The following RELCH variants were observed in gnomAD, a reference collection of about 807,000 sequenced individuals.
RELCH encodes the protein RAB11-binding protein RELCH.
Under a neutral mutation model 150.3 loss-of-function variants are expected in RELCH, and 41 were observed. That is an observed-to-expected ratio of 0.27 (90% CI 0.21 to 0.35). The LOEUF (loss-of-function observed/expected upper bound fraction) is 0.35. Among genes scored for constraint, RELCH ranks in the 10% least tolerant of loss-of-function variants. The pLI is 1.00. For synonymous variants in RELCH, 478 were observed against 531.8 expected (o/e 0.90, Z 1.39); for missense variants, 1,092 against 1,467.8 (o/e 0.74, Z 4.18).
chr18:62,278,177 T>C (rs1012453827), intron 22 of RELCH, among the ~76,000 whole-genome samples: 7 of 152,164 alleles, frequency 4.6e-5, no homozygotes, highest in Admixed American at 2.0e-4. Flanking sequence ...AAAAATTAAT[T>C]TGTCCTCTAC....
At chr18:62,292,317 C>T (rs1023872195) in intron 27 of RELCH, among the ~76,000 whole-genome samples, 6 of 152,240 alleles carry the variant, frequency 3.9e-5, no homozygotes, top group East Asian at 3.9e-4. Context: ...TATAGCTTCA[C>T]GTCTCTCTGC....
chr18:62,202,252 T>TGGGAAACA (rs2039503424), intron 1 of RELCH, among the ~76,000 whole-genome samples: 1 of 152,184 alleles, frequency 6.6e-6, no homozygotes, highest in Non-Finnish European at 1.5e-5. Context: ...TCTTGTATAT[T>TGGGAAACA]AGGACATTTG....
intron 11 of RELCH, among the ~76,000 whole-genome samples, chr18:62,249,417 C>T (rs1271684765): frequency 6.6e-6 from 1 of 152,094 alleles, no homozygotes; most frequent in Non-Finnish European, 1.5e-5. Flanking sequence ...ACATGCAAGT[C>T]AACTAGGAAT....
chr18:62,263,255 CAA>C (rs1302598841), intron 16 of RELCH, among the ~76,000 whole-genome samples: 1 of 151,994 alleles, frequency 6.6e-6, no homozygotes, highest in Non-Finnish European at 1.5e-5. Context: ...ATTTATTTAA[CAA>C]ATGATTCTTA....
chr18:62,187,729 C>T lies in RELCH; in HGVS notation c.224C>T (p.Ala75Val), dbSNP rs1159265017. 1 of 1,608,536 alleles carries T rather than the reference C, an allele frequency of 6.2e-7. No individual in the cohort carries two copies. The change falls in exon 1 of 29, where the codon GCG becomes GTG. Residue 75 changes from alanine (A) to valine (V), a missense_variant. By Grantham distance (64) the Ala-to-Val change is moderately conservative. This residue lies in a region of RELCH where 138 missense variants were observed against 124.8 expected (regional missense o/e 1.11). Transcript: ENST00000644646. ...SSARPGLPGE[A>V]SAAAVALGGT... ...GCGCGGCCAGGGCTCCCTGGGGAGG[C>T]GTCGGCGGCTGCAGTGGCCCTGGGG...
At chr18:62,275,560 G>T (rs2044163660) in intron 22 of RELCH, 87 bp downstream of exon 22, 5 of 790,886 alleles carry the variant, frequency 6.3e-6, no homozygotes, top group South Asian at 5.8e-5. Context: ...TAATAAAAAG[G>T]CTTTGCATAT....
At chr18:62,220,821 C>T (rs2040819471) in intron 2 of RELCH, 1 of 558,332 alleles carries the variant, frequency 1.8e-6, no homozygotes, top group Middle Eastern at 4.9e-4. Context: ...ATAATAACCC[C>T]CTGAATTCTA....
At chr18:62,238,207 T>G (rs1002568298) in intron 10 of RELCH, among the ~76,000 whole-genome samples, 2 of 151,916 alleles carry the variant, frequency 1.3e-5, no homozygotes, top group African/African-American at 4.8e-5. Context: ...AGTCAAATAT[T>G]TATCTCTGCT....
intron 27 of RELCH, among the ~76,000 whole-genome samples, chr18:62,293,750 T>C (rs953460835): frequency 6.6e-6 from 1 of 152,058 alleles, no homozygotes; most frequent in Non-Finnish European, 1.5e-5. Flanking sequence ...ATGTAATTAC[T>C]ACCTAGCTTA....
At chr18:62,212,677 G>A (rs1281366066) in intron 2 of RELCH, among the ~76,000 whole-genome samples, 1 of 152,080 alleles carries the variant, frequency 6.6e-6, no homozygotes, top group Non-Finnish European at 1.5e-5. Flanking sequence ...CTCTCCCCAG[G>A]ATATTGAGGC....
intron 1 of RELCH, among the ~76,000 whole-genome samples, chr18:62,191,084 A>G (rs2038599522): frequency 6.6e-6 from 1 of 151,764 alleles, no homozygotes; most frequent in South Asian, 2.1e-4. Flanking sequence ...AAAGGGGGGG[A>G]TAAAAAATTT....
intron 10 of RELCH, among the ~76,000 whole-genome samples, chr18:62,244,294 G>A (rs982242481): frequency 6.6e-6 from 1 of 152,056 alleles, no homozygotes; most frequent in African/African-American, 2.4e-5. Context: ...AGTGCTAAGG[G>A]TACAAAATTG....
chr18:62,216,321 G>A (rs148282293), intron 2 of RELCH, among the ~76,000 whole-genome samples: 12 of 152,130 alleles, frequency 7.9e-5, no homozygotes, highest in Middle Eastern at 3.4e-3. Context: ...AGTTCAGTAC[G>A]TTGGAAATGG....
Position 62,187,587 on chromosome 18 carries a change from G to A in RELCH, c.82G>A (p.Glu28Lys). The change falls in exon 1 of 29, where the codon GAG (glutamate) becomes AAG (lysine). Residue 28 changes from glutamate to lysine, a missense_variant. By Grantham distance (56) the Glu-to-Lys change is moderately conservative (BLOSUM62 1). Coordinates refer to ENST00000644646, the MANE Select transcript of RELCH (RefSeq NM_001346231.2). ...CAGTGATTCGGATGAGGACGATGAC[G>A]AGGTAGCTGCAACAGAGGAACGGCG... The part of the protein sequence containing the change: ...FLSDSDEDDD[E>K]VAATEERRAV... 2 of 1,527,778 alleles carry A rather than the reference G, an allele frequency of 1.3e-6. No individual in the cohort carries two copies. The highest frequency in any genetic ancestry group is 1.8e-6 in the Non-Finnish European group (2 of 1,137,522). The allele number at this position is 1,527,778 out of a possible 1,614,324, so 94.6% of individuals were successfully genotyped here. A position where few individuals can be genotyped will look rare whatever the true frequency, so the allele number is the denominator to read the frequency against.
In RELCH at chr18:62,309,545, T is replaced by C. The variant is rs1489938443; in HGVS notation, c.*4011T>C. On this transcript the variant is annotated 3_prime_UTR_variant, in exon 29 of 29. Coordinates refer to ENST00000644646, the MANE Select transcript of RELCH (RefSeq NM_001346231.2). ...TGTTAAGACCACACCAATCATAAAG[T>C]ACATAACAGTTAATATAAACTTAAT... 6.6e-6 allele frequency: 1 copy of C among 152,182 alleles called. No homozygotes were observed. The highest frequency in any genetic ancestry group is 1.5e-5 in the Non-Finnish European group (1 of 68,018). The allele number at this position is 152,182 out of a possible 1,614,324, so 9.4% of individuals were successfully genotyped here. A position where few individuals can be genotyped will look rare whatever the true frequency, so the allele number is the denominator to read the frequency against.
intron 22 of RELCH, among the ~76,000 whole-genome samples, chr18:62,277,356 T>G (rs1249530018): frequency 1.3e-5 from 2 of 152,120 alleles, no homozygotes; most frequent in Non-Finnish European, 2.9e-5. Flanking sequence ...TTTTTCAAAT[T>G]CATTAATGAT....
Position 62,232,406 on chromosome 18 carries a change from T to C in RELCH, c.1599T>C (p.Asn533=), listed in dbSNP as rs142034430. Residue 533 remains asparagine (N), a synonymous_variant, in exon 10 of 29, where the codon AAT becomes AAC. Coordinates refer to ENST00000644646, the MANE Select transcript of RELCH (RefSeq NM_001346231.2). ...GCTGCCTGCCACACATTGTTCCCAATGTGCTATTGGCAAAGAGAGAGGTAA... is the reference window on the plus strand; with the variant it reads ...GCTGCCTGCCACACATTGTTCCCAACGTGCTATTGGCAAAGAGAGAGGTAA... ...LGRCLPHIVP[N]VLLAKREELI... The C allele has an allele frequency of 1.8e-5, 29 of 1,609,638 alleles. No individual in the cohort carries two copies. Among genetic ancestry groups the C allele is most frequent in the Non-Finnish European group, 2.5e-5 (29 of 1,176,624 alleles).
chr18:62,279,583 C>A (rs1443674823), intron 22 of RELCH, among the ~76,000 whole-genome samples, 191 bp from the exon 23 acceptor site: 1 of 152,190 alleles, frequency 6.6e-6, no homozygotes, highest in Non-Finnish European at 1.5e-5. Context: ...GCTACTTAAG[C>A]TTTATTTTCC....
intron 18 of RELCH, among the ~76,000 whole-genome samples, chr18:62,265,080 A>T (rs77148791): frequency 0.068 from 10,334 of 152,100 alleles, 430 homozygotes; most frequent in Middle Eastern, 0.14. Context: ...CCAGACTTGG[A>T]TATAAGCTTT....
Sources: allele counts gnomAD v4.1 joint callset (sites outside exome capture counted in the v4.1 genomes callset), GRCh38; gene constraint gnomAD v4.1.1; regional missense constraint gnomAD v4.1.1; transcripts MANE v1.5; gene names NCBI Gene and HGNC (gene_info 2026-07-23, HGNC 2026-07-21).